The following TUBB3 variants were observed in gnomAD, a reference collection of about 807,000 sequenced individuals.
TUBB3 encodes tubulin beta-3 chain.
Under a neutral mutation model 37.8 loss-of-function variants are expected in TUBB3, and 17 were observed. That is an observed-to-expected ratio of 0.45 (90% CI 0.31 to 0.67). The LOEUF (loss-of-function observed/expected upper bound fraction) is 0.67. Among genes scored for constraint, TUBB3 ranks in the 30% least tolerant of loss-of-function variants. The pLI is 0.07. For missense variants in TUBB3, 262 were observed against 657.9 expected, an observed-to-expected ratio of 0.40 and a Z score of 6.58; for synonymous variants, 332 against 278.9, an observed-to-expected ratio of 1.19 and a Z score of -1.90.
At position 89,935,856 on chromosome 16, in the gene TUBB3, C is replaced by T. The variant is rs1158272371; in HGVS notation, c.*52C>T. ...AGGTGGCGGCCGGGGCCGAAGCCAG[C>T]AGTGTCTAAACCCCCGGAGCCATCT... On this transcript the variant is annotated 3_prime_UTR_variant, in exon 4 of 4. Transcript: ENST00000315491. 1.9e-6 allele frequency: 3 copies of T among 1,572,976 alleles called. No homozygotes were observed. Among genetic ancestry groups the T allele is most frequent in the South Asian group, 1.2e-5 (1 of 86,714 alleles).
Position 89,934,772 on chromosome 16 carries a change from G to A in TUBB3, c.321G>A (p.Thr107=), listed in dbSNP as rs767638782. The change falls in exon 4 of 4, where the codon ACG becomes ACA. Residue 107 remains threonine (T), a synonymous_variant. Transcript: ENST00000315491. ...ACAACTGGGCCAAGGGTCACTACAC[G>A]GAGGGGGCGGAGCTGGTGGATTCGG... The part of the protein sequence containing the change: ...AGNNWAKGHY[T]EGAELVDSVL... 15 of 1,614,170 alleles carry A rather than the reference G, an allele frequency of 9.3e-6. No individual in the cohort carries two copies. Among genetic ancestry groups the A allele is most frequent in the South Asian group, 2.2e-5 (2 of 91,088 alleles).
chr16:89,924,600 G>A, intron 1 of TUBB3, among the ~76,000 whole-genome samples: 1 of 152,102 alleles, frequency 6.6e-6, no homozygotes. Flanking sequence ...AGCCTCCGGA[G>A]GCTGTTGCCA....
intron 1 of TUBB3, among the ~76,000 whole-genome samples, chr16:89,925,085 C>T (rs2030027068): frequency 6.6e-6 from 1 of 152,100 alleles, no homozygotes; most frequent in African/African-American, 2.4e-5. Flanking sequence ...TCCCACAAGG[C>T]ACTTGTCAGG....
chr16:89,922,868 C>G (rs1281841115), upstream of TUBB3, among the ~76,000 whole-genome samples: 1 of 152,266 alleles, frequency 6.6e-6, no homozygotes, highest in African/African-American at 2.4e-5. Flanking sequence ...ACCTACCTCC[C>G]CCACCCAAAA....
At chr16:89,933,100 TATTTA>T (rs1567764141) in intron 2 of TUBB3, 1 of 495,866 alleles carries the variant, frequency 2.0e-6, no homozygotes, top group Admixed American at 2.8e-5. Context: ...TTTAAAATTT[TATTTA>T]ATTTAATAGA....
intron 1 of TUBB3, among the ~76,000 whole-genome samples, chr16:89,924,811 A>T (rs2030016768): frequency 6.6e-6 from 1 of 152,044 alleles, no homozygotes; most frequent in Non-Finnish European, 1.5e-5. Flanking sequence ...AGTGGCCTCA[A>T]ATCAAACCAG....
chr16:89,934,280 C>A, intron 3 of TUBB3: 1 of 467,630 alleles, frequency 2.1e-6, no homozygotes, highest in Non-Finnish European at 4.2e-6. Context: ...GCCGTGGACG[C>A]GCCACAGAAA....
chr16:89,922,342 G>A (rs542475650), upstream of TUBB3: 3 of 152,320 alleles, frequency 2.0e-5, no homozygotes, highest in Non-Finnish European at 4.4e-5. Flanking sequence ...CTTCCTGAAG[G>A]ATTTTTGTTA....
chr16:89,928,148 T>G lies in TUBB3; in HGVS notation c.58-4423T>G, dbSNP rs567600160. 7.5e-3 allele frequency among the ~76,000 whole-genome samples: 1,140 copies of G among 151,776 alleles called. 7 individuals are homozygous for G. The highest frequency in any genetic ancestry group is 0.027 in the African/African-American group (1,105 of 41,358). ...AGGCTCACTGCAACCTCCACCCCCC[T>G]GGCTCAAGTGATCCTCCCACCTCAG... On this transcript the variant is annotated intron_variant, in intron 1 of 3. Transcript: ENST00000315491.
chr16:89,925,487 C>T (rs61356367), intron 1 of TUBB3, among the ~76,000 whole-genome samples: 29,527 of 151,406 alleles, frequency 0.2, 3,463 homozygotes, highest in African/African-American at 0.33. Flanking sequence ...TCCCAGCTAC[C>T]TGGGAGGCTG....
At chr16:89,929,154 G>T (rs1371071605) in intron 1 of TUBB3, among the ~76,000 whole-genome samples, 4 of 151,936 alleles carry the variant, frequency 2.6e-5, no homozygotes, top group African/African-American at 9.7e-5. Context: ...GTAGGGACAG[G>T]GTTTTGCCCT....
At chr16:89,923,542 C>T in intron 1 of TUBB3, 84 bp downstream of exon 1, 2 of 1,231,394 alleles carry the variant, frequency 1.6e-6, no homozygotes, top group Non-Finnish European at 2.1e-6. Context: ...CCTCCAGCTG[C>T]CCCCGCCCCT....
At chr16:89,923,261 C>T, upstream of TUBB3, 4 of 530,572 alleles carry the variant, frequency 7.5e-6, no homozygotes, top group Non-Finnish European at 2.7e-6. Context: ...CGGCGCCTCC[C>T]GATTGGCCAC....
chr16:89,935,233 C>T lies in TUBB3; in HGVS notation c.782C>T (p.Pro261Leu), dbSNP rs2030414063. Residue 261 changes from proline (P) to leucine (L), a missense_variant, in exon 4 of 4, where the codon CCG (proline) becomes CTG (leucine). Coordinates refer to ENST00000315491, the MANE Select transcript of TUBB3 (RefSeq NM_006086.4). ...CTGGCCGTCAACATGGTGCCCTTCCCGCGCCTGCACTTCTTCATGCCCGGC... is the reference window on the plus strand; with the variant it reads ...CTGGCCGTCAACATGGTGCCCTTCCTGCGCCTGCACTTCTTCATGCCCGGC... Reference protein sequence around the residue: ...RKLAVNMVPFPRLHFFMPGFA... With the variant: ...RKLAVNMVPFLRLHFFMPGFA... The T allele has an allele frequency of 2.5e-6, 4 of 1,613,840 alleles. No homozygotes were observed. The highest frequency in any genetic ancestry group is 3.4e-6 in the Non-Finnish European group (4 of 1,180,010).
At chr16:89,933,256 C>T (rs1325125514) in intron 2 of TUBB3, 1 of 700,814 alleles carries the variant, frequency 1.4e-6, no homozygotes, top group Non-Finnish European at 2.6e-6. Context: ...GCCTGTCCTG[C>T]TCCGTCCTGT....
At chr16:89,926,484 G>A (rs2030089405) in intron 1 of TUBB3, among the ~76,000 whole-genome samples, 1 of 152,262 alleles carries the variant, frequency 6.6e-6, no homozygotes, top group Admixed American at 6.5e-5. Flanking sequence ...CTTTCCCCAG[G>A]ACCCCAAGCG....
chr16:89,925,564 C>T (rs574846435), intron 1 of TUBB3, among the ~76,000 whole-genome samples: 3 of 152,196 alleles, frequency 2.0e-5, no homozygotes, highest in Admixed American at 1.3e-4. Context: ...CCACTGTACT[C>T]CAGACTAGGC....
At chr16:89,927,238 C>G (rs1326786679) in intron 1 of TUBB3, among the ~76,000 whole-genome samples, 1 of 151,666 alleles carries the variant, frequency 6.6e-6, no homozygotes, top group East Asian at 1.9e-4. Context: ...AAAAAATTAG[C>G]TGGACATGGA....
At chr16:89,931,607 C>A (rs547823673) in intron 1 of TUBB3, 3 of 157,924 alleles carry the variant, frequency 1.9e-5, no homozygotes, top group Non-Finnish European at 4.3e-5. Flanking sequence ...TTGCCATATA[C>A]CATTTATATG....
Sources: allele counts gnomAD v4.1 joint callset (sites outside exome capture counted in the v4.1 genomes callset), GRCh38; gene constraint gnomAD v4.1.1; transcripts MANE v1.5; gene names NCBI Gene and HGNC (gene_info 2026-07-23, HGNC 2026-07-21).